CHLSN: variants seen among roughly 807,000 people sequenced by gnomAD.
CHLSN encodes cholesin.
the CHLSN span, among the ~76,000 whole-genome samples, chr7:1,106,073 C>T: frequency 6.6e-6 from 1 of 152,104 alleles, no homozygotes; most frequent in Non-Finnish European, 1.5e-5. Flanking sequence ...ATTTAGGAAA[C>T]GAACGGGAAA....
At chr7:1,006,477 G>T in the CHLSN span, among the ~76,000 whole-genome samples, 1 of 148,382 alleles carries the variant, frequency 6.7e-6, no homozygotes, top group East Asian at 2.0e-4. Context: ...CAGGGAAAGA[G>T]CACACGACGG....
chr7:1,028,771 A>T, the CHLSN span: 1 of 740,940 alleles, frequency 1.3e-6, no homozygotes, highest in South Asian at 6.5e-5. Context: ...CATCTCCCCT[A>T]GTCTGCCGCC....
chr7:1,135,661 G>A, the CHLSN span, among the ~76,000 whole-genome samples: 1 of 150,940 alleles, frequency 6.6e-6, no homozygotes, highest in Non-Finnish European at 1.5e-5. Flanking sequence ...CAGCTACTCG[G>A]GAGGCTGAGG....
chr7:1,003,971 G>T, the CHLSN span, among the ~76,000 whole-genome samples: 2 of 147,764 alleles, frequency 1.4e-5, no homozygotes, highest in Admixed American at 1.3e-4. Flanking sequence ...AGTCCTGTGG[G>T]TGAGTGGAGT....
At chr7:1,112,969 T>G in the CHLSN span, among the ~76,000 whole-genome samples, 1 of 152,116 alleles carries the variant, frequency 6.6e-6, no homozygotes, top group African/African-American at 2.4e-5. Context: ...GATCCAAATG[T>G]TCTTTGCACC....
At chr7:980,741 G>A in the CHLSN span, among the ~76,000 whole-genome samples, 7 of 144,762 alleles carry the variant, frequency 4.8e-5, no homozygotes, top group Non-Finnish European at 8.9e-5. Flanking sequence ...AGGCTGGAGT[G>A]CAGTGGTGCC....
the CHLSN span, among the ~76,000 whole-genome samples, chr7:1,099,421 C>T: frequency 6.6e-6 from 1 of 152,250 alleles, no homozygotes; most frequent in Non-Finnish European, 1.5e-5. Context: ...AAAACATTTC[C>T]TAAGAGCGGA....
At chr7:1,128,077 G>A in the CHLSN span, among the ~76,000 whole-genome samples, 3,963 of 8,568 alleles carry the variant, frequency 0.46, 1,296 homozygotes, top group East Asian at 0.78. Context: ...GCGCGATCTC[G>A]GCTCATCTCA....
At chr7:993,992 C>T in the CHLSN span, among the ~76,000 whole-genome samples, 1 of 152,136 alleles carries the variant, frequency 6.6e-6, no homozygotes, top group Non-Finnish European at 1.5e-5. Context: ...CCGCACAGTG[C>T]TGTGAGAGGT....
At chr7:1,004,946 T>A in the CHLSN span, among the ~76,000 whole-genome samples, 1 of 152,066 alleles carries the variant, frequency 6.6e-6, no homozygotes, top group Non-Finnish European at 1.5e-5. Context: ...TCCCCTGTGG[T>A]ACTCACCAGC....
chr7:1,012,880 C>T, the CHLSN span, among the ~76,000 whole-genome samples: 1 of 152,246 alleles, frequency 6.6e-6, no homozygotes, highest in Non-Finnish European at 1.5e-5. Context: ...TGCTCGCGCT[C>T]ACTGTCCTGG....
chr7:1,069,127 G>A, the CHLSN span, among the ~76,000 whole-genome samples: 1 of 152,186 alleles, frequency 6.6e-6, no homozygotes, highest in East Asian at 1.9e-4. Flanking sequence ...GAGGTCTGGA[G>A]TTCGAGACCA....
chr7:1,090,715 G>A, the CHLSN span, among the ~76,000 whole-genome samples: 1 of 152,254 alleles, frequency 6.6e-6, no homozygotes, highest in Non-Finnish European at 1.5e-5. Flanking sequence ...ATAAGCTCGG[G>A]AGGGACTCTC....
At chr7:1,089,308 C>T in the CHLSN span, among the ~76,000 whole-genome samples, 1 of 152,198 alleles carries the variant, frequency 6.6e-6, no homozygotes, top group Admixed American at 6.5e-5. Flanking sequence ...GAAGGTTATT[C>T]AGTACTTTTA....
the CHLSN span, among the ~76,000 whole-genome samples, chr7:1,013,162 A>G: frequency 1.3e-5 from 2 of 152,208 alleles, no homozygotes; most frequent in Non-Finnish European, 2.9e-5. Context: ...CAGGTGAGCA[A>G]GGTAGGACGG....
chr7:1,011,437 ACACCCAAACACG>A, the CHLSN span, among the ~76,000 whole-genome samples: 1 of 137,972 alleles, frequency 7.2e-6, no homozygotes, highest in Non-Finnish European at 1.6e-5. Flanking sequence ...AAACACCCAC[ACACCCAAACACG>A]CCCACAGACA....
the CHLSN span, among the ~76,000 whole-genome samples, chr7:992,088 G>A: frequency 1.3e-5 from 2 of 152,336 alleles, no homozygotes; most frequent in Admixed American, 6.5e-5. Flanking sequence ...GATGTCATGG[G>A]AGAGGCAGAC....
the CHLSN span, among the ~76,000 whole-genome samples, chr7:1,083,382 T>C: frequency 6.6e-6 from 1 of 151,916 alleles, no homozygotes; most frequent in Non-Finnish European, 1.5e-5. Flanking sequence ...CCCAGCACTT[T>C]GGGAGGGTGA....
the CHLSN span, among the ~76,000 whole-genome samples, chr7:1,012,484 AG>A: frequency 1.3e-5 from 2 of 152,188 alleles, no homozygotes; most frequent in Non-Finnish European, 2.9e-5. Context: ...TTCTTGTGTC[AG>A]GCACCAGCCT....
Sources: allele counts gnomAD v4.1 joint callset (sites outside exome capture counted in the v4.1 genomes callset), GRCh38; gene constraint gnomAD v4.1.1; transcripts MANE v1.5; gene names NCBI Gene and HGNC (gene_info 2026-07-23, HGNC 2026-07-21).